SYT11: variants seen among roughly 807,000 people sequenced by gnomAD.
SYT11 encodes the protein synaptotagmin-11.
A neutral mutation model predicts 30.4 loss-of-function variants in SYT11; 12 were observed. That is an observed-to-expected ratio of 0.39 (90% CI 0.25 to 0.64). The LOEUF (loss-of-function observed/expected upper bound fraction) is 0.64. Among genes scored for constraint, SYT11 ranks in the 30% least tolerant of loss-of-function variants. The pLI, the probability that SYT11 is intolerant of heterozygous loss-of-function variation, is 0.45. For synonymous variants in SYT11, 204 were observed against 216.0 expected, an observed-to-expected ratio of 0.94 and a Z score of 0.49; for missense variants, 412 against 552.0, an observed-to-expected ratio of 0.75 and a Z score of 2.54.
In SYT11 at chr1:155,868,648, C is replaced by A; in HGVS notation, c.718C>A (p.Leu240Met). 1 of 1,614,208 alleles carries A rather than the reference C, an allele frequency of 6.2e-7. No individual in the cohort carries two copies. Among genetic ancestry groups the A allele is most frequent in the Non-Finnish European group, 8.5e-7 (1 of 1,180,040 alleles). The change falls in exon 2 of 4, where the codon CTG (leucine) becomes ATG (methionine). Residue 240 changes from leucine to methionine, a missense_variant. Leu to Met is a conservative substitution (Grantham distance 15). Coordinates refer to ENST00000368324, the MANE Select transcript of SYT11 (RefSeq NM_152280.5). This position sits in a 1 kb window ranked among gnomAD's most constrained non-coding sequence, Gnocchi z 4.7. ...YGIPYSQLQD[L>M]VLHFLVLSFD... ...CATCCCCTACAGCCAGCTGCAGGAC[C>A]TGGTGCTGCACTTCCTTGTCCTCAG... is the stretch of plus-strand genomic sequence containing the variant.
intron 1 of SYT11, among the ~76,000 whole-genome samples, chr1:155,866,654 C>T (rs1273329954): frequency 6.6e-6 from 1 of 150,928 alleles, no homozygotes; most frequent in Non-Finnish European, 1.5e-5. Context: ...TATCAGAGAG[C>T]GAGAATGACG....
Position 155,868,870 on chromosome 1 carries a change from G to C in SYT11, c.861+79G>C. On this transcript the variant is annotated intron_variant, in intron 2 of 3. Transcript: ENST00000368324. This position sits in a 1 kb window ranked among gnomAD's most constrained non-coding sequence, Gnocchi z 4.7. ...TCAGGGGATAAATGGAAGTGGGAGG[G>C]GAGTGGGTTGGGTGGCAAAGAAGGG... 1.4e-6 allele frequency: 2 copies of C among 1,386,168 alleles called. No individual in the cohort carries two copies. Among genetic ancestry groups the C allele is most frequent in the Non-Finnish European group, 9.8e-7 (1 of 1,018,736 alleles). 85.9% of individuals were successfully genotyped at this position (1,386,168 alleles called of 1,614,324 possible).
chr1:155,859,647 A>G lies in SYT11; in HGVS notation c.-115A>G. ...CCGTCGCAGGAGGCGTCCGCTGGAT[A>G]CCTTCCCCCTTCCCTGACCTAGAGC... is the stretch of plus-strand genomic sequence containing the variant. On this transcript the variant is annotated 5_prime_UTR_variant, in exon 1 of 4. In the 5' UTR this introduces an upstream ATG that the reference lacks. Coordinates refer to ENST00000368324, the MANE Select transcript of SYT11 (RefSeq NM_152280.5). 2 of 972,970 alleles carry G rather than the reference A, an allele frequency of 2.1e-6. No homozygotes were observed. The highest frequency in any genetic ancestry group is 3.3e-6 in the Non-Finnish European group (2 of 604,000). 60.3% of individuals were successfully genotyped at this position (972,970 alleles called of 1,614,324 possible). A position where few individuals can be genotyped will look rare whatever the true frequency, so the allele number is the denominator to read the frequency against.
rs116460196 is a variant in SYT11, at chr1:155,875,395, T to C, written c.862-5105T>C. On this transcript the variant is annotated intron_variant, in intron 2 of 3. Coordinates refer to ENST00000368324, the MANE Select transcript of SYT11 (RefSeq NM_152280.5). ...AATTTCAAAAGCTAAGGAGTGGGTT[T>C]AAACCTTGGTTAGATTTTTTTTTTT... Among the ~76,000 whole-genome samples, 1,217 of 152,212 alleles carry C rather than the reference T, an allele frequency of 8.0e-3. 15 individuals carry two copies. The highest frequency in any genetic ancestry group is 0.028 in the African/African-American group (1,162 of 41,540).
intron 2 of SYT11, among the ~76,000 whole-genome samples, chr1:155,872,644 C>T (rs1347998785): frequency 6.6e-6 from 1 of 152,106 alleles, no homozygotes; most frequent in African/African-American, 2.4e-5. Context: ...CTCACTAGGC[C>T]AAGGGGCTGG....
intron 2 of SYT11, among the ~76,000 whole-genome samples, chr1:155,876,542 G>A (rs753668975): frequency 1.5e-4 from 22 of 151,612 alleles, no homozygotes; most frequent in African/African-American, 1.9e-4. Context: ...CACTGCACCC[G>A]GCCAAAACTC....
intron 2 of SYT11, among the ~76,000 whole-genome samples, chr1:155,878,591 C>T (rs1323167941): frequency 3.3e-5 from 5 of 152,080 alleles, no homozygotes; most frequent in African/African-American, 2.4e-5. Flanking sequence ...CATGGCCGGG[C>T]GCGGTGGCTC....
At chr1:155,867,064 C>CTT (rs59482594) in intron 1 of SYT11, among the ~76,000 whole-genome samples, 81 of 145,886 alleles carry the variant, frequency 5.6e-4, no homozygotes, top group Middle Eastern at 3.5e-3. Flanking sequence ...GGAGGAATAC[C>CTT]TTTTTTTTTT....
chr1:155,876,180 T>C (rs1405630681), intron 2 of SYT11, among the ~76,000 whole-genome samples: 2 of 151,602 alleles, frequency 1.3e-5, no homozygotes, highest in African/African-American at 4.8e-5. Context: ...TGTGGGGGTA[T>C]GATTTTGTCC....
Position 155,868,093 on chromosome 1 carries a change from T to C in SYT11, c.163T>C (p.Phe55Leu). Reference sequence around the variant, plus strand: ...GAAGCAGAAGAACCCACCATACAAGTTTATTCACATGCTCAAAGGCATCAG... The same window carrying C: ...GAAGCAGAAGAACCCACCATACAAGCTTATTCACATGCTCAAAGGCATCAG... ...EKKQKNPPYK[F>L]IHMLKGISIY... The change falls in exon 2 of 4, where the codon TTT becomes CTT. Residue 55 changes from phenylalanine to leucine, a missense_variant. Physicochemically the swap from Phe to Leu is conservative, Grantham distance 22. Transcript: ENST00000368324. The surrounding 1 kb of genome is among the most constrained non-coding windows in gnomAD (Gnocchi z 4.7). The C allele has an allele frequency of 1.2e-6, 2 of 1,613,860 alleles. No homozygotes were observed. The highest frequency in any genetic ancestry group is 1.3e-5 in the African/African-American group (1 of 74,936).
intron 1 of SYT11, among the ~76,000 whole-genome samples, chr1:155,861,694 C>T (rs1004556449): frequency 1.1e-4 from 16 of 152,194 alleles, no homozygotes; most frequent in Non-Finnish European, 5.9e-5. Context: ...TCTTGGCCCA[C>T]CACAACCTCT....
intron 1 of SYT11, among the ~76,000 whole-genome samples, chr1:155,866,939 T>C (rs922145972): frequency 3.3e-5 from 5 of 150,058 alleles, no homozygotes; most frequent in African/African-American, 1.2e-4. Context: ...TATATACATA[T>C]ATACACACAC....
chr1:155,881,737 A>AT lies in SYT11; in HGVS notation c.*237dup, dbSNP rs113034288. 50 of 377,190 alleles carry AT rather than the reference A, an allele frequency of 1.3e-4. No individual in the cohort carries two copies. The South Asian group carries it at 1.6e-3, about 12-fold the overall frequency. 23.4% of individuals were successfully genotyped at this position (377,190 alleles called of 1,614,324 possible). Reference sequence around the variant, plus strand: ...GCGCTAGAATCTTTTATTTTACTTTATTTTTTTTGAGGTGGAGTTTCGCTC... The same window carrying AT: ...GCGCTAGAATCTTTTATTTTACTTTATTTTTTTTTGAGGTGGAGTTTCGCTC... On this transcript the variant is annotated 3_prime_UTR_variant, in exon 4 of 4. Transcript: ENST00000368324.
chr1:155,868,899 T>A lies in SYT11; in HGVS notation c.861+108T>A. The stretch of plus-strand genomic sequence containing the variant: ...TGGGTTGGGTGGCAAAGAAGGGCTG[T>A]AGAGAGGAAGCTCTTGGATGTCAAG... On this transcript the variant is annotated intron_variant, in intron 2 of 3. Transcript: ENST00000368324. This position sits in a 1 kb window ranked among gnomAD's most constrained non-coding sequence, Gnocchi z 4.7. The A allele has an allele frequency of 9.5e-7, 1 of 1,053,906 alleles. No homozygotes were observed. The highest frequency in any genetic ancestry group is 1.4e-6 in the Non-Finnish European group (1 of 736,496). The allele number at this position is 1,053,906 out of a possible 1,614,324, so 65.3% of individuals were successfully genotyped here. A position where few individuals can be genotyped will look rare whatever the true frequency, so the allele number is the denominator to read the frequency against.
At chr1:155,874,928 C>T (rs1240790788) in intron 2 of SYT11, among the ~76,000 whole-genome samples, 2 of 147,724 alleles carry the variant, frequency 1.4e-5, no homozygotes, top group East Asian at 4.0e-4. Flanking sequence ...TAAAATAAAA[C>T]TGGCTGAGGA....
intron 2 of SYT11, among the ~76,000 whole-genome samples, chr1:155,875,249 C>CA (rs765396768): frequency 0.64 from 56,498 of 88,390 alleles, 17,712 homozygotes; most frequent in Non-Finnish European, 0.71. Context: ...GACTTCATCT[C>CA]AAAAAAAAAA....
chr1:155,859,816 T>A (rs199787232), intron 1 of SYT11, 21 bp downstream of exon 1: 1 of 1,613,034 alleles, frequency 6.2e-7, no homozygotes, highest in African/African-American at 1.3e-5. Flanking sequence ...TCGGGAAAAC[T>A]AAGCTTGAGG....
chr1:155,861,824 G>A (rs1672596425), intron 1 of SYT11, among the ~76,000 whole-genome samples: 1 of 152,160 alleles, frequency 6.6e-6, no homozygotes, highest in African/African-American at 2.4e-5. Flanking sequence ...CTCCATGTTG[G>A]TCAGGCTGGT....
At chr1:155,877,306 G>T (rs928881518) in intron 2 of SYT11, among the ~76,000 whole-genome samples, 5 of 151,376 alleles carry the variant, frequency 3.3e-5, no homozygotes, top group African/African-American at 7.3e-5. Context: ...GTTTCACCAT[G>T]TTGGCCAGGC....
Sources: gnomAD v4.1 joint callset for allele counts (sites outside exome capture counted in the v4.1 genomes callset) on GRCh38, gnomAD v4.1.1 for gene constraint, Gnocchi (gnomAD v3.1) non-coding constraint, MANE v1.5 for transcripts, NCBI Gene and HGNC (gene_info 2026-07-23, HGNC 2026-07-21) for gene names.